AGAP9: variants seen among roughly 807,000 people sequenced by gnomAD.
The protein encoded by AGAP9 is ArfGAP with GTPase domain, ankyrin repeat and PH domain 9.
Under a neutral mutation model 55.6 loss-of-function variants are expected in AGAP9, and 23 were observed. The ratio of observed to expected loss-of-function variants is 0.41; its 90% CI spans 0.30 to 0.59. AGAP9 has a LOEUF of 0.59. AGAP9 is among the 20% of genes least tolerant of loss of function. AGAP9 has a pLI of 0.25. For synonymous variants in AGAP9, 120 were observed against 305.0 expected (o/e 0.39, Z 6.32); for missense variants, 309 against 808.1 (o/e 0.38, Z 7.49).
intron 2 of AGAP9, among the ~76,000 whole-genome samples, chr10:47,522,302 AT>A (rs1180333777): frequency 6.8e-6 from 1 of 146,366 alleles, no homozygotes; most frequent in Non-Finnish European, 1.5e-5. Flanking sequence ...AAGGAGGTAA[AT>A]AAAGTCTGTT....
At chr10:47,513,576 CA>C (rs1445222819) in intron 4 of AGAP9, among the ~76,000 whole-genome samples, 4 of 140,574 alleles carry the variant, frequency 2.8e-5, no homozygotes, top group African/African-American at 5.1e-5. Context: ...CCGGCACAGC[CA>C]AAACAAAACT....
At chr10:47,521,932 C>G (rs1211754048) in intron 2 of AGAP9, among the ~76,000 whole-genome samples, 1 of 150,266 alleles carries the variant, frequency 6.7e-6, no homozygotes, top group Admixed American at 6.6e-5. Context: ...AGTCATGCGC[C>G]ACTACGCCCA....
chr10:47,502,430 T>C lies in AGAP9; in HGVS notation c.1699A>G (p.Ile567Val). Reference sequence around the variant, plus strand: ...AGCTTCTCCTCATATTTGGAACGGATCCACCATTCCTTCTCTTCCCTCGTG... The same window carrying C: ...AGCTTCTCCTCATATTTGGAACGGACCCACCATTCCTTCTCTTCCCTCGTG... Reference protein sequence around the residue: ...KSTREEKEWWIRSKYEEKLFL... With the variant: ...KSTREEKEWWVRSKYEEKLFL... The change falls in exon 8 of 8, where the codon ATC (isoleucine) becomes GTC (valine). Residue 567 changes from isoleucine (I) to valine (V), a missense_variant. Ile to Val is a conservative substitution (Grantham distance 29). Transcript: ENST00000452145. The C allele has an allele frequency of 6.2e-7, 1 of 1,611,316 alleles. No homozygotes were observed. The highest frequency in any genetic ancestry group is 1.7e-5 in the Admixed American group (1 of 59,886).
At chr10:47,514,248 C>G (rs1174320512) in intron 4 of AGAP9, among the ~76,000 whole-genome samples, 8 of 147,446 alleles carry the variant, frequency 5.4e-5, no homozygotes, top group Non-Finnish European at 9.0e-5. Context: ...GATATACATA[C>G]ATATTATATA....
Position 47,501,973 on chromosome 10 carries a change from A to C in AGAP9, c.*179T>G. 8.5e-7 allele frequency: 1 copy of C among 1,177,522 alleles called. No homozygotes were observed. Among genetic ancestry groups the C allele is most frequent in the Non-Finnish European group, 1.2e-6 (1 of 841,192 alleles). 72.9% of individuals were successfully genotyped at this position (1,177,522 alleles called of 1,614,324 possible). On this transcript the variant is annotated 3_prime_UTR_variant, in exon 8 of 8. Transcript: ENST00000452145. ...GTTTACGAAAAGTACTGAAAATGCT[A>C]TTACTAGCTGAATTTGTGATTTCCT...
chr10:47,511,030 G>A (rs1308923950), intron 4 of AGAP9, among the ~76,000 whole-genome samples: 3 of 126,384 alleles, frequency 2.4e-5, no homozygotes, highest in African/African-American at 6.3e-5. Context: ...TGCAAGCTCC[G>A]CCTCCCGGGT....
In AGAP9 at chr10:47,514,309, C is replaced by T. The variant is rs1306175683; in HGVS notation, c.396+3514G>A. On this transcript the variant is annotated intron_variant, in intron 4 of 7. Transcript: ENST00000452145. ...GCCATAATAAGGAATAAATTCATGG[C>T]ATTCCCAGCAACCTGGATGGAAGTA... Among the ~76,000 whole-genome samples the T allele has an allele frequency of 1.0e-3, 153 of 150,400 alleles. 2 individuals are homozygous for T. The Middle Eastern group carries it at 0.01, about 10-fold the overall frequency.
At chr10:47,503,826 C>T (rs1189349224) in intron 7 of AGAP9, among the ~76,000 whole-genome samples, 30 of 118,714 alleles carry the variant, frequency 2.5e-4, no homozygotes, top group Admixed American at 4.4e-4. Context: ...TCCAGTTACT[C>T]GGGAGGCTGA....
rs2132470832 is a variant in AGAP9, at chr10:47,502,850, T to C, written c.1279A>G (p.Thr427Ala). ...TGQTWHFEAT[T>A]YEERDAWVQA... ...ACCCAGGCATCCCGCTCCTCATACG[T>C]CGTGGCTTCAAAGTGCCACGTTTGG... The change falls in exon 8 of 8, where the codon ACG (threonine) becomes GCG (alanine). Residue 427 changes from threonine to alanine, a missense_variant. Physicochemically the swap from Thr to Ala is moderately conservative, Grantham distance 58 (BLOSUM62 0). Coordinates refer to ENST00000452145, the MANE Select transcript of AGAP9 (RefSeq NM_001190810.1). 6.2e-7 allele frequency: 1 copy of C among 1,603,968 alleles called. No individual in the cohort carries two copies. Among genetic ancestry groups the C allele is most frequent in the African/African-American group, 1.4e-5 (1 of 72,942 alleles).
chr10:47,502,793 G>A lies in AGAP9; in HGVS notation c.1336C>T (p.Leu446=), dbSNP rs1243799650. ...CTTTTACTGCTCTTGCATGACTGCA[G>A]GCTGGCCAGGATCTGGCTCTGGATG... is the stretch of plus-strand genomic sequence containing the variant. The part of the protein sequence containing the change: ...QAIQSQILAS[L]QSCKSSKSKS... Residue 446 remains leucine (L), a synonymous_variant, in exon 8 of 8, where the codon CTG becomes TTG. Transcript: ENST00000452145. 1 of 1,578,686 alleles carries A rather than the reference G, an allele frequency of 6.3e-7. No homozygotes were observed. The highest frequency in any genetic ancestry group is 2.4e-5 in the East Asian group (1 of 41,700).
chr10:47,508,061 A>C lies in AGAP9; in HGVS notation c.498-478T>G, dbSNP rs1338813508. ...AAGTTTGCGCCACTATGCCCAGATA[A>C]TTTTTTTTTTGGGGGGGTGGTGGGT... On this transcript the variant is annotated intron_variant, in intron 5 of 7. Coordinates refer to ENST00000452145, the MANE Select transcript of AGAP9 (RefSeq NM_001190810.1). 5.0e-3 allele frequency among the ~76,000 whole-genome samples: 663 copies of C among 133,694 alleles called. 47 individuals are homozygous for C. The highest frequency in any genetic ancestry group is 0.017 in the African/African-American group (629 of 36,728). 87.7% of individuals were successfully genotyped at this position (133,694 alleles called of 152,430 possible).
intron 2 of AGAP9, among the ~76,000 whole-genome samples, chr10:47,521,756 G>C (rs1265230759): frequency 3.3e-5 from 5 of 151,244 alleles, no homozygotes; most frequent in African/African-American, 9.7e-5. Flanking sequence ...TCTGCCAACA[G>C]TGTAGAGACT....
chr10:47,502,977 G>A lies in AGAP9; in HGVS notation c.1152C>T (p.Thr384=). 4 of 1,561,930 alleles carry A rather than the reference G, an allele frequency of 2.6e-6. No homozygotes were observed. Among genetic ancestry groups the A allele is most frequent in the Non-Finnish European group, 3.5e-6 (4 of 1,151,518 alleles). ...GGGGCGGGTTGAGCTTGGGGCTGGT[G>A]GTGCTGGAGATACCGGGGCTGAAGC... The part of the protein sequence containing the change: ...SICFSPGISS[T]TSPKLNPPPS... The change falls in exon 8 of 8, where the codon ACC becomes ACT. Residue 384 remains threonine, a synonymous_variant. Coordinates refer to ENST00000452145, the MANE Select transcript of AGAP9 (RefSeq NM_001190810.1).
At chr10:47,503,768 A>G (rs1488764910) in intron 7 of AGAP9, among the ~76,000 whole-genome samples, 2 of 135,162 alleles carry the variant, frequency 1.5e-5, no homozygotes, top group African/African-American at 5.7e-5. Context: ...TACAAAAAAA[A>G]AAAAAAGAAA....
rs59529030 is a variant in AGAP9 at position 47,504,846 on chromosome 10, CTTTTTTTTTTTTTT to C, written c.534-620_534-607del. 5.6e-4 allele frequency among the ~76,000 whole-genome samples: 26 copies of C among 46,838 alleles called. No individual in the cohort carries two copies. The East Asian group carries it at 0.013, about 24-fold the overall frequency. 30.7% of individuals were successfully genotyped at this position (46,838 alleles called of 152,430 possible). On this transcript the variant is annotated intron_variant, in intron 6 of 7. Transcript: ENST00000452145. ...GAAGGCCTAAGAGGTCATAACTGTT[CTTTTTTTTTTTTTT>C]TTTTTTTTTTTTTGAGACCAAGTTT...
chr10:47,511,289 C>A (rs1427267787), intron 4 of AGAP9, among the ~76,000 whole-genome samples: 4 of 142,470 alleles, frequency 2.8e-5, no homozygotes, highest in Middle Eastern at 6.7e-3. Flanking sequence ...ATTAAATAAT[C>A]CTGCTACAAG....
intron 6 of AGAP9, among the ~76,000 whole-genome samples, chr10:47,505,544 T>G (rs1487978686): frequency 5.2e-5 from 7 of 134,054 alleles, no homozygotes; most frequent in African/African-American, 1.9e-4. Flanking sequence ...GAAAAATCAC[T>G]TTTTTCACAG....
chr10:47,510,312 T>C lies in AGAP9; in HGVS notation c.397-41A>G, dbSNP rs1436243926. ...AGTGTAAGTCAAACTTATCAAAGTG[T>C]ATTTTTTTCTCAGTTAAAATGTCAA... is the stretch of plus-strand genomic sequence containing the variant. On this transcript the variant is annotated intron_variant, in intron 4 of 7. Transcript: ENST00000452145. The C allele has an allele frequency of 3.5e-5, 37 of 1,047,990 alleles. 1 individual carries two copies. Among genetic ancestry groups the C allele is most frequent in the East Asian group, 1.4e-4 (4 of 27,894 alleles). 64.9% of individuals were successfully genotyped at this position (1,047,990 alleles called of 1,614,324 possible). A position where few individuals can be genotyped will look rare whatever the true frequency, so the allele number is the denominator to read the frequency against.
chr10:47,506,840 C>T (rs1434658429), intron 6 of AGAP9, among the ~76,000 whole-genome samples: 35,465 of 132,834 alleles, frequency 0.27, 5,132 homozygotes, highest in South Asian at 0.49. Flanking sequence ...GGGGTTTCGC[C>T]GTGTTAGCCA....
Sources: allele counts gnomAD v4.1 joint callset (sites outside exome capture counted in the v4.1 genomes callset), GRCh38; gene constraint gnomAD v4.1.1; transcripts MANE v1.5; gene names NCBI Gene and HGNC (gene_info 2026-07-23, HGNC 2026-07-21).